The following CLMP variants were observed in gnomAD, a reference collection of about 807,000 sequenced individuals.
The protein encoded by CLMP is CXADR like cell adhesion molecule, also known as CXADR-like membrane protein.
CLMP carries 27 observed loss-of-function variants against 45.2 expected under a neutral mutation model. The observed-to-expected ratio is 0.60, with a 90% confidence interval of 0.44 to 0.82. CLMP has a LOEUF of 0.82. CLMP is among the 40% of genes least tolerant of loss of function. The probability of loss-of-function intolerance (pLI) is 0.00; values close to 1 mark genes in which losing one functional copy is unlikely to be tolerated. For missense variants in CLMP, 403 were observed against 448.4 expected, an observed-to-expected ratio of 0.90 and a Z score of 0.91; for synonymous variants, 167 against 171.4, an observed-to-expected ratio of 0.97 and a Z score of 0.20.
At chr11:123,174,497 T>G (rs11219042) in intron 1 of CLMP, among the ~76,000 whole-genome samples, 91,853 of 151,936 alleles carry the variant, frequency 0.6, 28,010 homozygotes, top group Admixed American at 0.68. Flanking sequence ...ATTTCATATC[T>G]AGGCCTGACA....
intron 1 of CLMP, among the ~76,000 whole-genome samples, chr11:123,146,716 G>C (rs1488896362): frequency 6.6e-6 from 1 of 151,982 alleles, no homozygotes; most frequent in Non-Finnish European, 1.5e-5. Flanking sequence ...CTCCTCCCCA[G>C]TTCCCCTGGT....
chr11:123,137,381 A>C (rs1234079868), intron 1 of CLMP, among the ~76,000 whole-genome samples: 4 of 151,562 alleles, frequency 2.6e-5, no homozygotes, highest in African/African-American at 9.7e-5. Context: ...ATGGCATCAA[A>C]TTCAGAGGAC....
At chr11:123,130,865 C>T (rs1335271392) in intron 1 of CLMP, among the ~76,000 whole-genome samples, 7 of 119,164 alleles carry the variant, frequency 5.9e-5, no homozygotes, top group Admixed American at 2.0e-4. Context: ...TTTTTTGAGA[C>T]GGAGTCTCAC....
In CLMP at chr11:123,083,780, C is replaced by A. The variant is rs1865831744; in HGVS notation, c.456G>T (p.Gln152His). The change falls in exon 4 of 7, where the codon CAG (glutamine) becomes CAT (histidine). Residue 152 changes from glutamine to histidine, a missense_variant. Coordinates refer to ENST00000448775, the MANE Select transcript of CLMP (RefSeq NM_024769.5). The part of the protein sequence containing the change: ...ELTEGSDLTL[Q>H]CESSSGTEPI... Reference sequence around the variant, plus strand: ...GCTCTGTGCCAGAGGATGACTCACACTGCAAAGTCAGGTCACTTCCTTCTG... The same window carrying A: ...GCTCTGTGCCAGAGGATGACTCACAATGCAAAGTCAGGTCACTTCCTTCTG... 1.2e-6 allele frequency: 2 copies of A among 1,613,938 alleles called. No individual in the cohort carries two copies. Among genetic ancestry groups the A allele is most frequent in the African/African-American group, 2.7e-5 (2 of 74,934 alleles).
chr11:123,107,949 G>A (rs1346560144), intron 1 of CLMP, among the ~76,000 whole-genome samples: 3 of 152,064 alleles, frequency 2.0e-5, no homozygotes, highest in Non-Finnish European at 4.4e-5. Flanking sequence ...TGATAATATT[G>A]TAGAGAAGGT....
intron 1 of CLMP, among the ~76,000 whole-genome samples, chr11:123,142,787 C>T (rs1422564513): frequency 2.7e-5 from 4 of 146,176 alleles, no homozygotes; most frequent in Admixed American, 6.8e-5. Flanking sequence ...CCACTGCGCC[C>T]GGCTAATTTT....
rs1023382224 is a variant in CLMP at position 123,129,641 on chromosome 11, G to T, written c.29-31689C>A. On this transcript the variant is annotated intron_variant, in intron 1 of 6. Transcript: ENST00000448775. ...TTATATAATATAATATATATTATATGATATATAGTTCAGTATATAAATTTT... is the reference window on the plus strand; with the variant it reads ...TTATATAATATAATATATATTATATTATATATAGTTCAGTATATAAATTTT... Among the ~76,000 whole-genome samples the T allele has an allele frequency of 1.5e-4, 21 of 136,442 alleles. No homozygotes were observed. In the East Asian group the frequency reaches 2.2e-3, roughly 15 times the overall value. The allele number at this position is 136,442 out of a possible 152,430, so 89.5% of individuals were successfully genotyped here.
At chr11:123,132,083 C>CG (rs34245113) in intron 1 of CLMP, among the ~76,000 whole-genome samples, 7 of 152,110 alleles carry the variant, frequency 4.6e-5, no homozygotes, top group South Asian at 4.1e-4. Context: ...ATAATCTTTG[C>CG]GGGGGGGTCT....
rs760899093 is a variant in CLMP, at chr11:123,074,685, G to A, written c.821+17C>T. 6.2e-7 allele frequency: 1 copy of A among 1,612,852 alleles called. No individual in the cohort carries two copies. Among genetic ancestry groups the A allele is most frequent in the Non-Finnish European group, 8.5e-7 (1 of 1,179,164 alleles). ...TAAAACAGAAGCCCCGTAAAAGTAG[G>A]GATGTGGGAGGTTTACCGAATTTCA... On this transcript the variant is annotated intron_variant, in intron 6 of 6. Coordinates refer to ENST00000448775, the MANE Select transcript of CLMP (RefSeq NM_024769.5).
At chr11:123,101,960 G>T (rs1356976673) in intron 1 of CLMP, among the ~76,000 whole-genome samples, 1 of 152,132 alleles carries the variant, frequency 6.6e-6, no homozygotes, top group African/African-American at 2.4e-5. Context: ...AGAGTGGGTG[G>T]ACTGCTTGAG....
At chr11:123,156,186 G>A (rs148718232) in intron 1 of CLMP, among the ~76,000 whole-genome samples, 131 of 152,286 alleles carry the variant, frequency 8.6e-4, no homozygotes, top group African/African-American at 3.0e-3. Flanking sequence ...AGGAAAGGCC[G>A]TGTGAGGATA....
intron 1 of CLMP, among the ~76,000 whole-genome samples, chr11:123,156,426 G>A (rs11600359): frequency 0.28 from 42,748 of 152,102 alleles, 6,167 homozygotes; most frequent in East Asian, 0.33. Context: ...CTGCAAACTC[G>A]GGCATGATCT....
intron 1 of CLMP, among the ~76,000 whole-genome samples, chr11:123,121,837 T>G (rs1860822932): frequency 6.6e-6 from 1 of 152,170 alleles, no homozygotes; most frequent in South Asian, 2.1e-4. Flanking sequence ...TCTTTCACCT[T>G]TATTTCCTTC....
chr11:123,096,129 G>A (rs1446242105), intron 2 of CLMP, among the ~76,000 whole-genome samples: 1 of 152,094 alleles, frequency 6.6e-6, no homozygotes, highest in Non-Finnish European at 1.5e-5. Flanking sequence ...TTGGGAGGCC[G>A]AGGCAGGCCG....
At chr11:123,157,233 C>T (rs953671541) in intron 1 of CLMP, among the ~76,000 whole-genome samples, 2 of 152,150 alleles carry the variant, frequency 1.3e-5, no homozygotes, top group African/African-American at 4.8e-5. Context: ...AGAAGTCACC[C>T]AGGGCAACCT....
chr11:123,150,891 C>T (rs527876460), intron 1 of CLMP, among the ~76,000 whole-genome samples: 114 of 152,154 alleles, frequency 7.5e-4, no homozygotes, highest in Middle Eastern at 3.4e-3. Flanking sequence ...ATATTAGAGA[C>T]GGGGTTTTGC....
chr11:123,128,251 ACAACT>A (rs1565390947), intron 1 of CLMP, among the ~76,000 whole-genome samples: 1 of 151,888 alleles, frequency 6.6e-6, no homozygotes, highest in Non-Finnish European at 1.5e-5. Flanking sequence ...AAAAAAAAAA[ACAACT>A]CAGCCAACCA....
intron 1 of CLMP, among the ~76,000 whole-genome samples, chr11:123,194,352 C>A (rs1861949356): frequency 6.6e-6 from 1 of 151,766 alleles, no homozygotes; most frequent in African/African-American, 2.4e-5. Context: ...TCCTCTTTTT[C>A]TCTCTCCTTC....
In CLMP at chr11:123,161,803, G is replaced by A. The variant is rs79538794; in HGVS notation, c.28+33110C>T. On this transcript the variant is annotated intron_variant, in intron 1 of 6. Transcript: ENST00000448775. ...ACGAGCATCACCATCATCTGGTCAC[G>A]TATTACACATGCAGACTCTTGGACC... is the stretch of plus-strand genomic sequence containing the variant. Among the ~76,000 whole-genome samples the A allele has an allele frequency of 3.4e-3, 524 of 152,314 alleles. 12 individuals carry two copies. The East Asian group carries it at 0.051, about 15-fold the overall frequency.
Sources: gnomAD v4.1 joint callset for allele counts (sites outside exome capture counted in the v4.1 genomes callset) on GRCh38, gnomAD v4.1.1 for gene constraint, MANE v1.5 for transcripts, NCBI Gene and HGNC (gene_info 2026-07-23, HGNC 2026-07-21) for gene names.